PSEN1: variants seen among roughly 807,000 people sequenced by gnomAD.
The protein encoded by PSEN1 is presenilin-1.
PSEN1 carries 15 observed loss-of-function variants against 53.5 expected under a neutral mutation model. That is an observed-to-expected ratio of 0.28 (90% CI 0.19 to 0.43). The LOEUF (loss-of-function observed/expected upper bound fraction) is 0.43. PSEN1 is among the 20% of genes least tolerant of loss of function. PSEN1 has a pLI of 1.00. For synonymous variants in PSEN1, 208 were observed against 209.8 expected (o/e 0.99, Z 0.08); for missense variants, 387 against 571.2 (o/e 0.68, Z 3.29).
chr14:73,170,863 A>G lies in PSEN1; in HGVS notation c.154A>G (p.Asn52Asp), dbSNP rs1181060667. The change falls in exon 4 of 12, where the codon AAT becomes GAT. Residue 52 changes from asparagine to aspartate, a missense_variant. Coordinates refer to ENST00000324501, the MANE Select transcript of PSEN1 (RefSeq NM_000021.4). Reference sequence around the variant, plus strand: ...CCTTGGCCACCCTGAGCCATTATCTAATGGACGACCCCAGGGTAACTCCCG... The same window carrying G: ...CCTTGGCCACCCTGAGCCATTATCTGATGGACGACCCCAGGGTAACTCCCG... ...RSLGHPEPLSNGRPQGNSRQV... is the reference protein window; with the variant it reads ...RSLGHPEPLSDGRPQGNSRQV... 4.3e-6 allele frequency: 7 copies of G among 1,614,164 alleles called. No individual in the cohort carries two copies. The highest frequency in any genetic ancestry group is 5.9e-6 in the Non-Finnish European group (7 of 1,180,010).
chr14:73,138,699 C>T (rs1467946191), intron 1 of PSEN1, among the ~76,000 whole-genome samples: 1 of 150,734 alleles, frequency 6.6e-6, no homozygotes, highest in Non-Finnish European at 1.5e-5. Flanking sequence ...GGTGGCTCAC[C>T]CCTGTAATCC....
chr14:73,146,087 C>T (rs1371528884), intron 1 of PSEN1: 1 of 151,268 alleles, frequency 6.6e-6, no homozygotes, highest in Non-Finnish European at 1.5e-5. Context: ...GCCTGGGTGA[C>T]AGAGCAAGAC....
intron 5 of PSEN1, among the ~76,000 whole-genome samples, chr14:73,182,882 C>G (rs1399865949): frequency 1.3e-5 from 2 of 152,044 alleles, no homozygotes; most frequent in African/African-American, 4.8e-5. Context: ...TAAATAAGAA[C>G]ATCTCCTTCT....
intron 1 of PSEN1, among the ~76,000 whole-genome samples, chr14:73,144,533 G>C (rs1329487327): frequency 6.6e-6 from 1 of 152,038 alleles, no homozygotes; most frequent in Non-Finnish European, 1.5e-5. Context: ...AAACTCCTAC[G>C]GGGCAGGTTT....
intron 8 of PSEN1, among the ~76,000 whole-genome samples, chr14:73,200,477 C>T (rs1232435293): frequency 3.3e-5 from 5 of 152,092 alleles, no homozygotes; most frequent in Admixed American, 3.3e-4. Context: ...ACCACGTTGG[C>T]CAGGCTGGTC....
intron 4 of PSEN1, among the ~76,000 whole-genome samples, chr14:73,172,053 G>A (rs1897907278): frequency 6.6e-6 from 1 of 152,132 alleles, no homozygotes; most frequent in African/African-American, 2.4e-5. Flanking sequence ...AGTCTCCAGG[G>A]TGAGGTGTAT....
chr14:73,180,273 C>T (rs970765349), intron 5 of PSEN1, among the ~76,000 whole-genome samples: 12 of 152,210 alleles, frequency 7.9e-5, no homozygotes, highest in African/African-American at 9.6e-5. Context: ...GCCTGAGCCA[C>T]CACGCCCAGC....
intron 8 of PSEN1, among the ~76,000 whole-genome samples, chr14:73,202,571 C>G (rs941620047): frequency 2.8e-5 from 4 of 141,428 alleles, no homozygotes; most frequent in Non-Finnish European, 6.1e-5. Context: ...CTCCCGGGTT[C>G]ACGCCATTCT....
At chr14:73,140,202 CTTTTTTT>C (rs35223948) in intron 1 of PSEN1, among the ~76,000 whole-genome samples, 394 of 73,070 alleles carry the variant, frequency 5.4e-3, no homozygotes, top group Non-Finnish European at 8.6e-3. Context: ...TTTTGCTATT[CTTTTTTT>C]TTTTTTTTTT....
intron 5 of PSEN1, among the ~76,000 whole-genome samples, chr14:73,182,144 CT>C (rs1898235983): frequency 6.6e-6 from 1 of 152,068 alleles, no homozygotes; most frequent in South Asian, 2.1e-4. Flanking sequence ...TTTAGTGTTT[CT>C]GTGTTTCTTA....
intron 3 of PSEN1, among the ~76,000 whole-genome samples, chr14:73,150,994 G>C (rs1164473583): frequency 6.6e-6 from 1 of 151,860 alleles, no homozygotes; most frequent in Non-Finnish European, 1.5e-5. Context: ...CATGAACCTG[G>C]GAGGCGGAGC....
Position 73,222,405 on chromosome 14 carries a change from A to C in PSEN1, c.*3116A>C, listed in dbSNP as rs1208284619. The C allele has an allele frequency of 6.6e-6, 1 of 152,212 alleles. No individual in the cohort carries two copies. The highest frequency in any genetic ancestry group is 2.4e-5 in the African/African-American group (1 of 41,450). 9.4% of individuals were successfully genotyped at this position (152,212 alleles called of 1,614,324 possible). ...ACTTGTTATTTACGTGGCCTCAGAC[A>C]GTGTATGTATTCTCGATATAACTTG... On this transcript the variant is annotated 3_prime_UTR_variant, in exon 12 of 12. Coordinates refer to ENST00000324501, the MANE Select transcript of PSEN1 (RefSeq NM_000021.4).
chr14:73,215,007 G>A (rs942797616), intron 10 of PSEN1, among the ~76,000 whole-genome samples: 15 of 151,874 alleles, frequency 9.9e-5, no homozygotes, highest in African/African-American at 3.6e-4. Flanking sequence ...CGTTGCCTAG[G>A]GTGGAGTGCA....
intron 3 of PSEN1, 58 bp downstream of exon 3, chr14:73,148,164 C>G (rs964004104): frequency 7.5e-7 from 1 of 1,336,144 alleles, no homozygotes; most frequent in African/African-American, 1.4e-5. Flanking sequence ...ATCATCTCCC[C>G]TCACCTCTGA....
At chr14:73,190,741 C>G (rs1227318617) in intron 6 of PSEN1, among the ~76,000 whole-genome samples, 1 of 152,134 alleles carries the variant, frequency 6.6e-6, no homozygotes, top group Non-Finnish European at 1.5e-5. Context: ...GTGCTTTCCT[C>G]TAAAGAGGGG....
At chr14:73,174,394 C>T (rs1897985292) in intron 5 of PSEN1, among the ~76,000 whole-genome samples, 1 of 152,056 alleles carries the variant, frequency 6.6e-6, no homozygotes, top group Non-Finnish European at 1.5e-5. Flanking sequence ...CCACCACACT[C>T]GGCTAATTTT....
At chr14:73,203,177 C>A (rs1182375291) in intron 8 of PSEN1, among the ~76,000 whole-genome samples, 2 of 152,148 alleles carry the variant, frequency 1.3e-5, no homozygotes, top group African/African-American at 2.4e-5. Context: ...CTCCCAGGTT[C>A]AAGCGATTCT....
chr14:73,217,033 T>G, intron 10 of PSEN1, 93 bp from the exon 11 acceptor site: 1 of 1,308,724 alleles, frequency 7.6e-7, no homozygotes, highest in Non-Finnish European at 1.1e-6. Flanking sequence ...CTCTCATTCA[T>G]TGTGGGGTTG....
intron 7 of PSEN1, among the ~76,000 whole-genome samples, chr14:73,197,079 C>T (rs1007503339): frequency 3.3e-5 from 5 of 151,908 alleles, no homozygotes; most frequent in Non-Finnish European, 5.9e-5. Context: ...ACTACAGGCA[C>T]GCGCCACCAC....
Sources: gnomAD v4.1 joint callset for allele counts (sites outside exome capture counted in the v4.1 genomes callset) on GRCh38, gnomAD v4.1.1 for gene constraint, MANE v1.5 for transcripts, NCBI Gene and HGNC (gene_info 2026-07-23, HGNC 2026-07-21) for gene names.